Variants in SYT1 observed in about 807,000 individuals in gnomAD.
The protein encoded by SYT1 is synaptotagmin-1.
SYT1 carries 8 observed loss-of-function variants against 44.8 expected under a neutral mutation model. The observed-to-expected ratio is 0.18, with a 90% CI of 0.10 to 0.32. The LOEUF is 0.32. Ranked by LOEUF, SYT1 falls within the 10% of genes least tolerant of loss-of-function variation. SYT1 has a pLI of 1.00. For synonymous variants in SYT1, 154 were observed against 188.8 expected, an observed-to-expected ratio of 0.82 and a Z score of 1.51; for missense variants, 286 against 509.3, an observed-to-expected ratio of 0.56 and a Z score of 4.22.
At chr12:79,347,996 C>G (rs115071623) in intron 8 of SYT1, among the ~76,000 whole-genome samples, 1,524 of 152,090 alleles carry the variant, frequency 0.01, 26 homozygotes, top group African/African-American at 0.034. Flanking sequence ...ACAGAAGGAA[C>G]AGCAATGCAA....
At chr12:79,367,008 C>T (rs1883577149) in intron 9 of SYT1, among the ~76,000 whole-genome samples, 1 of 150,416 alleles carries the variant, frequency 6.6e-6, no homozygotes, top group African/African-American at 2.5e-5. Flanking sequence ...CTTATGTTGG[C>T]ATCCTGAAGC....
chr12:79,215,847 C>T (rs111955268), intron 3 of SYT1, among the ~76,000 whole-genome samples: 2,207 of 147,500 alleles, frequency 0.015, 34 homozygotes, highest in African/African-American at 0.045. Flanking sequence ...TGAGATTATT[C>T]TATTTTCAAT....
chr12:79,156,830 G>T (rs1251224030), intron 3 of SYT1, among the ~76,000 whole-genome samples: 1 of 152,086 alleles, frequency 6.6e-6, no homozygotes, highest in African/African-American at 2.4e-5. Flanking sequence ...ACAACTTAAA[G>T]GTTCTGATTA....
intron 1 of SYT1, among the ~76,000 whole-genome samples, chr12:78,942,715 C>T (rs1878443191): frequency 6.6e-6 from 1 of 152,220 alleles, no homozygotes; most frequent in African/African-American, 2.4e-5. Flanking sequence ...ATTAGTTCTT[C>T]TGACTTATCT....
chr12:79,290,947 GAAT>G (rs1446600131), intron 5 of SYT1, among the ~76,000 whole-genome samples: 4 of 151,830 alleles, frequency 2.6e-5, no homozygotes, highest in South Asian at 2.1e-4. Context: ...TTTTAATTTT[GAAT>G]AATGACTGTG....
chr12:78,957,144 G>A (rs1191353524), intron 1 of SYT1, among the ~76,000 whole-genome samples: 1 of 152,074 alleles, frequency 6.6e-6, no homozygotes, highest in Non-Finnish European at 1.5e-5. Flanking sequence ...CAATTTACCG[G>A]AAAATATACC....
chr12:79,401,295 G>A (rs924088154), intron 9 of SYT1, among the ~76,000 whole-genome samples: 4 of 152,158 alleles, frequency 2.6e-5, no homozygotes, highest in Non-Finnish European at 4.4e-5. Flanking sequence ...TTGGGAGGCT[G>A]AGGCAGGAAG....
rs1014162073 is a variant in SYT1 at position 79,175,873 on chromosome 12, C to A, written c.-17-41630C>A. On this transcript the variant is annotated intron_variant, in intron 3 of 10. Coordinates refer to ENST00000261205, the MANE Select transcript of SYT1 (RefSeq NM_005639.3). ...CCTGGGGGTTGGGGGGTAGCATCCCCACAGTCAACAATGTTAAAGTGATGA... is the reference window on the plus strand; with the variant it reads ...CCTGGGGGTTGGGGGGTAGCATCCCAACAGTCAACAATGTTAAAGTGATGA... Among the ~76,000 whole-genome samples the A allele has an allele frequency of 4.7e-4, 72 of 151,932 alleles. 1 individual carries two copies. The highest frequency in any genetic ancestry group is 2.1e-4 in the Non-Finnish European group (14 of 67,970).
chr12:79,163,727 G>A (rs950383173), intron 3 of SYT1, among the ~76,000 whole-genome samples: 12 of 151,964 alleles, frequency 7.9e-5, no homozygotes, highest in Admixed American at 5.9e-4. Context: ...AGCAGCACCC[G>A]CCATCACCAA....
At chr12:78,977,469 G>A (rs894939654) in intron 1 of SYT1, 1 of 152,166 alleles carries the variant, frequency 6.6e-6, no homozygotes, top group Non-Finnish European at 1.5e-5. Flanking sequence ...AATTCCACTG[G>A]GTGTCTTCTG....
intron 3 of SYT1, among the ~76,000 whole-genome samples, chr12:79,159,523 TTATTA>T (rs1870816476): frequency 6.6e-6 from 1 of 152,178 alleles, no homozygotes; most frequent in African/African-American, 2.4e-5. Context: ...TTACAGTATA[TTATTA>T]TAATTGTTCT....
At chr12:79,052,406 G>C (rs1464220853) in intron 3 of SYT1, among the ~76,000 whole-genome samples, 2 of 152,122 alleles carry the variant, frequency 1.3e-5, no homozygotes, top group African/African-American at 2.4e-5. Flanking sequence ...AAAAACCCTA[G>C]AAGAAAACCT....
In SYT1 at chr12:79,228,409, G is replaced by A. The variant is rs992693271; in HGVS notation, c.166+10724G>A. 2.0e-5 allele frequency among the ~76,000 whole-genome samples: 3 copies of A among 152,182 alleles called. 1 individual carries two copies. Among genetic ancestry groups the A allele is most frequent in the Admixed American group, 2.0e-4 (3 of 15,276 alleles). The stretch of plus-strand genomic sequence containing the variant: ...CAGATACTTCCCGATGTACAATTAC[G>A]AGGGTTATTACAAATATTCAGTTGC... On this transcript the variant is annotated intron_variant, in intron 4 of 10. Coordinates refer to ENST00000261205, the MANE Select transcript of SYT1 (RefSeq NM_005639.3).
intron 2 of SYT1, among the ~76,000 whole-genome samples, chr12:79,013,666 A>T (rs1475526222): frequency 6.6e-6 from 1 of 152,244 alleles, no homozygotes; most frequent in Non-Finnish European, 1.5e-5. Context: ...CCAGTTATAG[A>T]AAACAAAGCA....
intron 1 of SYT1, among the ~76,000 whole-genome samples, chr12:78,906,341 G>A (rs1875979099): frequency 6.6e-6 from 1 of 152,088 alleles, no homozygotes; most frequent in South Asian, 2.1e-4. Flanking sequence ...GTTCATTCAA[G>A]TATTTAACAA....
At chr12:79,222,285 G>A (rs1453076442) in intron 4 of SYT1, among the ~76,000 whole-genome samples, 1 of 151,910 alleles carries the variant, frequency 6.6e-6, no homozygotes, top group Non-Finnish European at 1.5e-5. Context: ...TATTTGGAAT[G>A]AATTTAATTG....
chr12:79,188,300 G>A (rs1053883431), intron 3 of SYT1, among the ~76,000 whole-genome samples: 10 of 152,016 alleles, frequency 6.6e-5, no homozygotes, highest in Admixed American at 2.0e-4. Flanking sequence ...ATGAAAAATG[G>A]ATTTGGAACT....
At chr12:79,402,889 A>T (rs1259080580) in intron 9 of SYT1, among the ~76,000 whole-genome samples, 1 of 152,192 alleles carries the variant, frequency 6.6e-6, no homozygotes, top group East Asian at 1.9e-4. Flanking sequence ...ATTAACAGTT[A>T]CATACTGGAG....
At chr12:79,062,317 A>G (rs1875449798) in intron 3 of SYT1, among the ~76,000 whole-genome samples, 1 of 152,168 alleles carries the variant, frequency 6.6e-6, no homozygotes, top group Non-Finnish European at 1.5e-5. Flanking sequence ...ATGTTTTCTG[A>G]CAGTAGCTGC....
Sources: allele counts gnomAD v4.1 joint callset (sites outside exome capture counted in the v4.1 genomes callset), GRCh38; gene constraint gnomAD v4.1.1; transcripts MANE v1.5; gene names NCBI Gene and HGNC (gene_info 2026-07-23, HGNC 2026-07-21).